The following ANKRD6 variants were observed in gnomAD, a reference collection of about 807,000 sequenced individuals.
ANKRD6 encodes ankyrin repeat domain-containing protein 6.
A neutral mutation model predicts 82.3 loss-of-function variants in ANKRD6; 56 were observed. The ratio of observed to expected loss-of-function variants is 0.68; its 90% CI spans 0.55 to 0.85. ANKRD6 has a LOEUF of 0.85. Among genes scored for constraint, ANKRD6 ranks in the 40% least tolerant of loss-of-function variants. ANKRD6 has a pLI of 0.00. For missense variants in ANKRD6, 852 were observed against 907.6 expected, an observed-to-expected ratio of 0.94 and a Z score of 0.79; for synonymous variants, 347 against 352.1, an observed-to-expected ratio of 0.99 and a Z score of 0.16.
At chr6:89,617,143 C>T (rs965847019) in intron 8 of ANKRD6, among the ~76,000 whole-genome samples, 2 of 152,226 alleles carry the variant, frequency 1.3e-5, no homozygotes, top group South Asian at 2.1e-4. Context: ...AGCTCAGGTG[C>T]GCTTTCTTCT....
intron 1 of ANKRD6, among the ~76,000 whole-genome samples, chr6:89,549,883 C>T (rs1222253423): frequency 3.3e-5 from 5 of 150,630 alleles, no homozygotes; most frequent in African/African-American, 1.2e-4. Flanking sequence ...CAAGACCAGC[C>T]TGAGTAACAT....
intron 1 of ANKRD6, among the ~76,000 whole-genome samples, chr6:89,480,852 C>T (rs950608243): frequency 1.0e-4 from 14 of 140,016 alleles, no homozygotes; most frequent in South Asian, 2.2e-4. Context: ...TGAGGTGGGA[C>T]GATCACTTGA....
intron 1 of ANKRD6, among the ~76,000 whole-genome samples, chr6:89,437,636 A>G (rs570228238): frequency 6.6e-6 from 1 of 152,164 alleles, no homozygotes; most frequent in East Asian, 1.9e-4. Flanking sequence ...TTTACACTTT[A>G]TGTTCCAAAT....
rs953531844 is a variant in ANKRD6, at chr6:89,579,611, G to A, written c.120+12515G>A. The stretch of plus-strand genomic sequence containing the variant: ...ATCTCTACTGAAAATACAAAAATTA[G>A]TCGGGTGTGGTGGTGCACGCCTGTA... On this transcript the variant is annotated intron_variant, in intron 2 of 15. Transcript: ENST00000339746. Among the ~76,000 whole-genome samples the A allele has an allele frequency of 3.9e-5, 6 of 152,114 alleles. No homozygotes were observed. In the East Asian group the frequency reaches 1.2e-3, roughly 29 times the overall value.
intron 1 of ANKRD6, among the ~76,000 whole-genome samples, chr6:89,493,278 G>A (rs1337260085): frequency 1.3e-5 from 2 of 152,136 alleles, no homozygotes; most frequent in Non-Finnish European, 2.9e-5. Flanking sequence ...CTTGCCTCTT[G>A]CAGTTTCTGG....
chr6:89,464,666 G>A (rs535208664), intron 1 of ANKRD6, among the ~76,000 whole-genome samples: 1 of 152,310 alleles, frequency 6.6e-6, no homozygotes, highest in East Asian at 1.9e-4. Context: ...TTCCTTAGGG[G>A]AAAATTGTAT....
chr6:89,472,161 T>G (rs1053560848), intron 1 of ANKRD6, among the ~76,000 whole-genome samples: 1 of 152,132 alleles, frequency 6.6e-6, no homozygotes, highest in African/African-American at 2.4e-5. Flanking sequence ...CTCTGTGTCC[T>G]AATTTCCCCA....
At chr6:89,628,584 A>G (rs1382724042) in intron 14 of ANKRD6, among the ~76,000 whole-genome samples, 1 of 152,198 alleles carries the variant, frequency 6.6e-6, no homozygotes, top group Non-Finnish European at 1.5e-5. Context: ...CCTTGCTAAC[A>G]TGGTGAAACC....
intron 1 of ANKRD6, among the ~76,000 whole-genome samples, chr6:89,465,159 G>T (rs1291984873): frequency 8.7e-5 from 13 of 149,784 alleles, no homozygotes; most frequent in Admixed American, 2.0e-4. Flanking sequence ...GTGCTCTGTG[G>T]CCCAGGCTGG....
rs975559733 is a variant in ANKRD6 at position 89,503,424 on chromosome 6, G to A, written c.-143-63410G>A. On this transcript the variant is annotated intron_variant, in intron 1 of 15. Coordinates refer to ENST00000339746, the MANE Select transcript of ANKRD6 (RefSeq NM_001242809.2). ...CTGCATCTCATAAAGCCCCTGGGCT[G>A]TAGAAGGAGAGTTTAGGTTGCTCTG... Among the ~76,000 whole-genome samples the A allele has an allele frequency of 5.3e-5, 8 of 152,210 alleles. No homozygotes were observed. The South Asian group carries it at 1.4e-3, about 28-fold the overall frequency.
At chr6:89,456,176 T>C (rs1773485679) in intron 1 of ANKRD6, among the ~76,000 whole-genome samples, 1 of 152,174 alleles carries the variant, frequency 6.6e-6, no homozygotes, top group Admixed American at 6.5e-5. Context: ...AATGGACTAA[T>C]ACACCATTGA....
At chr6:89,576,755 C>T (rs964133880) in intron 2 of ANKRD6, among the ~76,000 whole-genome samples, 3 of 151,998 alleles carry the variant, frequency 2.0e-5, no homozygotes, top group Non-Finnish European at 4.4e-5. Context: ...CCTTCTCCAT[C>T]TCCTTTTGCT....
intron 1 of ANKRD6, among the ~76,000 whole-genome samples, chr6:89,495,799 T>A (rs1778544931): frequency 6.6e-6 from 1 of 152,232 alleles, no homozygotes; most frequent in Non-Finnish European, 1.5e-5. Context: ...AGCCCTTTGC[T>A]GCATGCTGTC....
intron 8 of ANKRD6, among the ~76,000 whole-genome samples, 157 bp from the exon 9 acceptor site, chr6:89,617,797 C>T (rs1173017959): frequency 6.6e-6 from 1 of 152,214 alleles, no homozygotes; most frequent in Non-Finnish European, 1.5e-5. Context: ...GGCTGATGAC[C>T]AGGGCCATAT....
At chr6:89,571,244 A>G (rs533941528) in intron 2 of ANKRD6, among the ~76,000 whole-genome samples, 31 of 151,824 alleles carry the variant, frequency 2.0e-4, no homozygotes, top group Admixed American at 1.8e-3. Context: ...TAGTAGAGAT[A>G]AGGTTTCACC....
intron 2 of ANKRD6, among the ~76,000 whole-genome samples, chr6:89,593,288 A>G (rs1174031176): frequency 6.6e-6 from 1 of 152,160 alleles, no homozygotes; most frequent in Non-Finnish European, 1.5e-5. Context: ...CACATACTCA[A>G]TGTCAAGAAG....
chr6:89,607,655 C>CT (rs10598205), intron 5 of ANKRD6, among the ~76,000 whole-genome samples: 83,869 of 135,776 alleles, frequency 0.62, 26,575 homozygotes, highest in East Asian at 0.9. Context: ...GGAGAAGAGA[C>CT]TTTTTTTTTT....
intron 1 of ANKRD6, among the ~76,000 whole-genome samples, chr6:89,530,347 A>G (rs1317376563): frequency 6.6e-6 from 1 of 152,124 alleles, no homozygotes; most frequent in African/African-American, 2.4e-5. Flanking sequence ...AATGGTGCTG[A>G]TACGACTTGC....
chr6:89,602,468 A>G (rs1797439045), intron 3 of ANKRD6: 1 of 152,442 alleles, frequency 6.6e-6, no homozygotes, highest in Admixed American at 6.5e-5. Flanking sequence ...TCTTAGAAAT[A>G]TGCAGTGATA....
Sources: gnomAD v4.1 joint callset for allele counts (sites outside exome capture counted in the v4.1 genomes callset) on GRCh38, gnomAD v4.1.1 for gene constraint, MANE v1.5 for transcripts, NCBI Gene and HGNC (gene_info 2026-07-23, HGNC 2026-07-21) for gene names.